The following TECR variants were observed in gnomAD, a reference collection of about 807,000 sequenced individuals.
TECR encodes the protein very-long-chain enoyl-CoA reductase.
A neutral mutation model predicts 50.6 loss-of-function variants in TECR; 19 were observed. That is an observed-to-expected ratio of 0.38 (90% CI 0.26 to 0.55). The LOEUF (loss-of-function observed/expected upper bound fraction) is 0.55, where lower values mean the gene tolerates loss of function less well. Among genes scored for constraint, TECR ranks in the 20% least tolerant of loss-of-function variants. The pLI, the probability that TECR is intolerant of heterozygous loss-of-function variation, is 0.79. For synonymous variants in TECR, 168 were observed against 163.5 expected (o/e 1.03, Z -0.21); for missense variants, 313 against 408.3 (o/e 0.77, Z 2.01).
chr19:14,563,873 G>A lies in TECR; in HGVS notation c.237G>A (p.Arg79=). ...PVGTTATLYF[R]DLGAQISWVT... is the part of the protein sequence containing the mutation. Reference sequence around the variant, plus strand: ...GCACCACGGCCACACTGTACTTCCGGGACCTGGGGGCCCAGATCAGCTGGG... The same window carrying A: ...GCACCACGGCCACACTGTACTTCCGAGACCTGGGGGCCCAGATCAGCTGGG... Residue 79 remains arginine, a synonymous_variant, in exon 5 of 13, where the codon CGG becomes CGA. Transcript: ENST00000215567. This position sits in a 1 kb window ranked among gnomAD's most constrained non-coding sequence, Gnocchi z 5.3. The A allele has an allele frequency of 6.2e-7, 1 of 1,614,018 alleles. No individual in the cohort carries two copies. The highest frequency in any genetic ancestry group is 8.5e-7 in the Non-Finnish European group (1 of 1,179,952).
intron 1 of TECR, chr19:14,530,286 AC>A (rs2072582913): frequency 6.2e-6 from 1 of 160,446 alleles, no homozygotes; most frequent in Non-Finnish European, 1.4e-5. Flanking sequence ...CTTGGGTGTC[AC>A]CAAGGAGAAA....
chr19:14,548,206 C>T (rs2073371218), intron 1 of TECR, among the ~76,000 whole-genome samples: 2 of 151,998 alleles, frequency 1.3e-5, no homozygotes, highest in Admixed American at 6.6e-5. Flanking sequence ...TCATGATCCG[C>T]CCCCTCGGCC....
chr19:14,565,681 C>T lies in TECR; in HGVS notation c.799+18C>T, dbSNP rs2074059268. ...TCTCCCAGGTGAGCCTGCCGCCCTCCCTCGGCGGGGCCCTGCCCCTCCGGG... is the reference window on the plus strand; with the variant it reads ...TCTCCCAGGTGAGCCTGCCGCCCTCTCTCGGCGGGGCCCTGCCCCTCCGGG... On this transcript the variant is annotated intron_variant, in intron 12 of 12. Transcript: ENST00000215567. 3 of 1,612,002 alleles carry T rather than the reference C, an allele frequency of 1.9e-6. No individual in the cohort carries two copies. Among genetic ancestry groups the T allele is most frequent in the African/African-American group, 1.3e-5 (1 of 74,920 alleles).
chr19:14,564,475 A>G (rs377452654), intron 7 of TECR, among the ~76,000 whole-genome samples, 188 bp downstream of exon 7: 17 of 10,090 alleles, frequency 1.7e-3, no homozygotes, highest in Middle Eastern at 0.062. Flanking sequence ...CGTCCTCCCC[A>G]GCCCCGCCCC....
Position 14,551,563 on chromosome 19 carries a change from C to T in TECR, c.16-10962C>T, listed in dbSNP as rs146574838. The stretch of plus-strand genomic sequence containing the variant: ...AGTGCCTCTCAGTCAGCATTGAGGA[C>T]GCGCCCCTGCTTTTCTAGGCCCATT... On this transcript the variant is annotated intron_variant, in intron 1 of 12. Coordinates refer to ENST00000215567, the MANE Select transcript of TECR (RefSeq NM_138501.6). Among the ~76,000 whole-genome samples, 64 of 152,274 alleles carry T rather than the reference C, an allele frequency of 4.2e-4. 1 individual carries two copies. The highest frequency in any genetic ancestry group is 1.3e-3 in the African/African-American group (53 of 41,594).
chr19:14,560,275 G>A (rs1007506310), intron 1 of TECR, among the ~76,000 whole-genome samples: 7 of 152,214 alleles, frequency 4.6e-5, no homozygotes, highest in African/African-American at 1.7e-4. Flanking sequence ...ACAGGGAGAG[G>A]GGCTGGTTGT....
intron 1 of TECR, among the ~76,000 whole-genome samples, chr19:14,547,126 T>C (rs2073335135): frequency 6.6e-6 from 1 of 152,142 alleles, no homozygotes; most frequent in African/African-American, 2.4e-5. Flanking sequence ...AGAGAGCCAA[T>C]GTTAAAGAGC....
intron 1 of TECR, among the ~76,000 whole-genome samples, chr19:14,544,015 G>A (rs1356383189): frequency 2.6e-5 from 4 of 152,096 alleles, no homozygotes; most frequent in African/African-American, 7.2e-5. Context: ...TAGGATTACA[G>A]GTGTGAGCCA....
intron 1 of TECR, among the ~76,000 whole-genome samples, chr19:14,551,946 CCTCTCT>C (rs71166756): frequency 0.035 from 2,517 of 71,226 alleles, 70 homozygotes; most frequent in East Asian, 0.076. Flanking sequence ...TCCCTCCCTC[CCTCTCT>C]CTCTCTCTCT....
At chr19:14,528,973 C>T (rs1029220746), upstream of TECR, among the ~76,000 whole-genome samples, 6 of 152,018 alleles carry the variant, frequency 3.9e-5, no homozygotes, top group African/African-American at 1.4e-4. Context: ...CAAAGTGGGG[C>T]GGGGCTTTCA....
intron 1 of TECR, among the ~76,000 whole-genome samples, chr19:14,543,420 T>TATATATATATATA (rs1491174243): frequency 0.015 from 83 of 5,472 alleles, no homozygotes; most frequent in Non-Finnish European, 0.025. Context: ...TATATATATA[T>TATATATATATATA]TTTTTTTTTT....
intron 1 of TECR, chr19:14,561,856 G>A (rs899436849): frequency 1.3e-5 from 2 of 157,066 alleles, no homozygotes; most frequent in Non-Finnish European, 1.4e-5. Context: ...GATCTGTCTC[G>A]CGGATTCTCA....
chr19:14,558,002 G>T (rs1181899945), intron 1 of TECR, among the ~76,000 whole-genome samples: 1 of 150,488 alleles, frequency 6.6e-6, no homozygotes, highest in South Asian at 2.1e-4. Flanking sequence ...TGATTCGCCC[G>T]CCTCGGCCTC....
At chr19:14,551,239 A>G (rs746809802) in intron 1 of TECR, among the ~76,000 whole-genome samples, 3 of 151,132 alleles carry the variant, frequency 2.0e-5, no homozygotes, top group Non-Finnish European at 2.9e-5. Flanking sequence ...CACCCAGCTA[A>G]TTTTTTTGTA....
intron 1 of TECR, among the ~76,000 whole-genome samples, chr19:14,533,687 A>T (rs1330017852): frequency 5.9e-5 from 9 of 152,078 alleles, no homozygotes; most frequent in Admixed American, 5.9e-4. Context: ...TAGTAGCCTC[A>T]TATCACTGCC....
At position 14,565,188 on chromosome 19, in the gene TECR, G is replaced by T. The variant is rs1384602745; in HGVS notation, c.665-14G>T. 1 of 1,613,800 alleles carries T rather than the reference G, an allele frequency of 6.2e-7. No homozygotes were observed. The highest frequency in any genetic ancestry group is 1.3e-5 in the African/African-American group (1 of 74,900). On this transcript the variant is annotated splice_polypyrimidine_tract_variant and intron_variant, in intron 10 of 12. Coordinates refer to ENST00000215567, the MANE Select transcript of TECR (RefSeq NM_138501.6). ...TGAGGGGGTCTGACTTTCTCCTTCT[G>T]TCCTGCCTGCCAGGGTCCAAGACGC...
At chr19:14,545,864 T>C (rs1421547546) in intron 1 of TECR, 1 of 152,674 alleles carries the variant, frequency 6.5e-6, no homozygotes, top group Admixed American at 6.5e-5. Flanking sequence ...CCGAGGAGCA[T>C]CGGAAATGGG....
intron 2 of TECR, 148 bp downstream of exon 2, chr19:14,562,723 G>A: frequency 1.1e-6 from 1 of 903,332 alleles, no homozygotes; most frequent in Non-Finnish European, 1.8e-6. Flanking sequence ...AGGGTGGATA[G>A]CCATGTCCCC....
chr19:14,533,257 C>T lies in TECR; in HGVS notation c.15+3546C>T, dbSNP rs1041198891. 2.0e-5 allele frequency among the ~76,000 whole-genome samples: 3 copies of T among 151,832 alleles called. No homozygotes were observed. In the East Asian group the frequency reaches 5.8e-4, roughly 29 times the overall value. ...CCAACATGATGAAACTCCGTCTCTACAAAAAATAAAAAATTAGCTGGGTGT... is the reference window on the plus strand; with the variant it reads ...CCAACATGATGAAACTCCGTCTCTATAAAAAATAAAAAATTAGCTGGGTGT... On this transcript the variant is annotated intron_variant, in intron 1 of 12. Coordinates refer to ENST00000215567, the MANE Select transcript of TECR (RefSeq NM_138501.6).
Sources: gnomAD v4.1 joint callset for allele counts (sites outside exome capture counted in the v4.1 genomes callset) on GRCh38, gnomAD v4.1.1 for gene constraint, Gnocchi (gnomAD v3.1) non-coding constraint, MANE v1.5 for transcripts, NCBI Gene and HGNC (gene_info 2026-07-23, HGNC 2026-07-21) for gene names.